PARP8: variants seen among roughly 807,000 people sequenced by gnomAD.
PARP8 encodes poly(ADP-ribose) polymerase family member 8.
A neutral mutation model predicts 124.1 loss-of-function variants in PARP8; 51 were observed. The ratio of observed to expected loss-of-function variants is 0.41; its 90% confidence interval spans 0.33 to 0.52. The LOEUF (loss-of-function observed/expected upper bound fraction) is 0.52, where lower values mean the gene tolerates loss of function less well. Among genes scored for constraint, PARP8 ranks in the 20% least tolerant of loss-of-function variants. PARP8 has a pLI of 0.21. For missense variants in PARP8, 860 were observed against 1,018.9 expected (o/e 0.84, Z 2.12); for synonymous variants, 391 against 361.5 (o/e 1.08, Z -0.93).
chr5:50,729,095 G>GA (rs1418483785), intron 2 of PARP8, among the ~76,000 whole-genome samples: 1 of 152,090 alleles, frequency 6.6e-6, no homozygotes, highest in East Asian at 1.9e-4. Flanking sequence ...CTTCTAAAGT[G>GA]AAAATCTCAT....
intron 2 of PARP8, among the ~76,000 whole-genome samples, chr5:50,739,729 TA>T (rs373319433): frequency 0.32 from 23,797 of 74,286 alleles, 3,562 homozygotes; most frequent in Non-Finnish European, 0.4. Flanking sequence ...TATATATATA[TA>T]TATTTTTTTT....
In PARP8 at chr5:50,740,096, T is replaced by C. The variant is rs899088613; in HGVS notation, c.147-10055T>C. ...GCATTCATTCTACGTATATTTATAA[T>C]GTTCCCACTATGTGCTAGGTAGATG... On this transcript the variant is annotated intron_variant, in intron 2 of 25. Coordinates refer to ENST00000281631, the MANE Select transcript of PARP8 (RefSeq NM_024615.4). Among the ~76,000 whole-genome samples the C allele has an allele frequency of 1.2e-4, 19 of 152,146 alleles. 1 individual carries two copies. The highest frequency in any genetic ancestry group is 1.2e-3 in the Admixed American group (18 of 15,262).
At position 50,834,006 on chromosome 5, in the gene PARP8, T is replaced by C. The variant is rs771315054; in HGVS notation, c.2335T>C (p.Phe779Leu). The stretch of plus-strand genomic sequence containing the variant: ...ACAGAAAAAAGGACAGCAATCCCAA[T>C]TCCTGCAAAGCCGTAACTTAAAATG... Reference protein sequence around the residue: ...QSQKKGQQSQFLQSRNLKCIA... With the variant: ...QSQKKGQQSQLLQSRNLKCIA... Residue 779 changes from phenylalanine (F) to leucine (L), a missense_variant, in exon 24 of 26, where the codon TTC becomes CTC. This residue lies in a region of PARP8 where 343 missense variants were observed against 474.7 expected (regional missense o/e 0.72). Transcript: ENST00000281631. The C allele has an allele frequency of 1.2e-6, 2 of 1,612,514 alleles. No individual in the cohort carries two copies. The highest frequency in any genetic ancestry group is 1.7e-5 in the Admixed American group (1 of 59,950).
At chr5:50,708,391 T>G (rs1009333875) in intron 2 of PARP8, among the ~76,000 whole-genome samples, 6 of 152,152 alleles carry the variant, frequency 3.9e-5, no homozygotes, top group Non-Finnish European at 8.8e-5. Context: ...CTTTATTCTT[T>G]GTAAAGAAAA....
chr5:50,721,083 T>G (rs1405399060), intron 2 of PARP8, among the ~76,000 whole-genome samples: 1 of 131,004 alleles, frequency 7.6e-6, no homozygotes, highest in Non-Finnish European at 1.6e-5. Context: ...AAAATAATTG[T>G]TTTTTTTTTT....
In PARP8 at chr5:50,844,792, T is replaced by C. The variant is rs1580540367; in HGVS notation, c.*2724T>C. 6.6e-6 allele frequency: 1 copy of C among 151,702 alleles called. No individual in the cohort carries two copies. The highest frequency in any genetic ancestry group is 1.5e-5 in the Non-Finnish European group (1 of 67,746). The allele number at this position is 151,702 out of a possible 1,614,324, so 9.4% of individuals were successfully genotyped here. On this transcript the variant is annotated 3_prime_UTR_variant, in exon 26 of 26. Coordinates refer to ENST00000281631, the MANE Select transcript of PARP8 (RefSeq NM_024615.4). ...TTTGTAAACATTTTACTATGAATAA[T>C]CTGTTCTCTTTCACTGTATTAAAAG...
intron 2 of PARP8, among the ~76,000 whole-genome samples, chr5:50,736,096 G>A (rs558120062): frequency 1.3e-5 from 2 of 151,628 alleles, no homozygotes; most frequent in South Asian, 4.2e-4. Flanking sequence ...AGAAAGAGAA[G>A]GCAAACACCA....
chr5:50,842,179 C>T lies in PARP8; in HGVS notation c.*111C>T. The T allele has an allele frequency of 1.4e-6, 1 of 706,032 alleles. No homozygotes were observed. The allele number at this position is 706,032 out of a possible 1,614,324, so 43.7% of individuals were successfully genotyped here. A position where few individuals can be genotyped will look rare whatever the true frequency, so the allele number is the denominator to read the frequency against. On this transcript the variant is annotated 3_prime_UTR_variant, in exon 26 of 26. Transcript: ENST00000281631. ...TATTGTTATTATAAACAAAATTAAC[C>T]CTTTGAATACTGATTTTTTTTCTTA...
In PARP8 at chr5:50,752,838, A is replaced by G. The variant is rs145834370; in HGVS notation, c.184+2650A>G. 2.6e-5 allele frequency among the ~76,000 whole-genome samples: 4 copies of G among 152,216 alleles called. No individual in the cohort carries two copies. The East Asian group carries it at 5.8e-4, about 22-fold the overall frequency. On this transcript the variant is annotated intron_variant, in intron 3 of 25. Transcript: ENST00000281631. ...AATTTTCTTTGCTCTATGAAAATAT[A>G]TCAGTATTATCCTCCAAAGTCAAGA...
At chr5:50,815,228 AT>A (rs913623135) in intron 14 of PARP8, among the ~76,000 whole-genome samples, 17 of 152,130 alleles carry the variant, frequency 1.1e-4, no homozygotes, top group African/African-American at 4.1e-4. Context: ...TTTTTATAAT[AT>A]TTTTTACTCT....
rs1743742019 is a variant in PARP8 at position 50,805,593 on chromosome 5, A to C, written c.1575+8360A>C. On this transcript the variant is annotated intron_variant, in intron 14 of 25. Transcript: ENST00000281631. Reference sequence around the variant, plus strand: ...CATGCTAGATTCTGTTACACTTTTTAAAAGAAACCTGTCTTGCCTTTTGGA... The same window carrying C: ...CATGCTAGATTCTGTTACACTTTTTCAAAGAAACCTGTCTTGCCTTTTGGA... 2.0e-5 allele frequency among the ~76,000 whole-genome samples: 3 copies of C among 152,226 alleles called. No homozygotes were observed. The South Asian group carries it at 6.2e-4, about 32-fold the overall frequency.
At chr5:50,816,075 A>G (rs557185487) in intron 15 of PARP8, among the ~76,000 whole-genome samples, 1 of 152,302 alleles carries the variant, frequency 6.6e-6, no homozygotes, top group East Asian at 1.9e-4. Context: ...AAATTAATGA[A>G]CATTAATTAA....
intron 10 of PARP8, among the ~76,000 whole-genome samples, chr5:50,790,788 C>A (rs1279255204): frequency 6.6e-6 from 1 of 151,982 alleles, no homozygotes; most frequent in Non-Finnish European, 1.5e-5. Context: ...ATATCCCTAT[C>A]CGAGTGATTA....
chr5:50,778,149 A>C lies in PARP8; in HGVS notation c.579+20A>C. 6.0e-6 allele frequency: 9 copies of C among 1,494,520 alleles called. No individual in the cohort carries two copies. The highest frequency in any genetic ancestry group is 3.5e-4 in the Middle Eastern group (2 of 5,792). 92.6% of individuals were successfully genotyped at this position (1,494,520 alleles called of 1,614,324 possible). On this transcript the variant is annotated intron_variant, in intron 8 of 25. Transcript: ENST00000281631. ...CTTGATGTAAGTATCAATTTTATGT[A>C]ATATGAATGGTGCATTTAAAATACA...
chr5:50,692,552 G>T (rs1158509203), intron 2 of PARP8, among the ~76,000 whole-genome samples: 2 of 151,584 alleles, frequency 1.3e-5, no homozygotes, highest in African/African-American at 4.8e-5. Context: ...TTAGTACAGT[G>T]CCTGACTTAA....
At chr5:50,773,882 G>A (rs1457480710) in intron 7 of PARP8, among the ~76,000 whole-genome samples, 1 of 144,830 alleles carries the variant, frequency 6.9e-6, no homozygotes, top group Admixed American at 6.9e-5. Flanking sequence ...GGTGTTTCTT[G>A]GAGAGGGGGA....
At chr5:50,716,068 C>A (rs73101019) in intron 2 of PARP8, among the ~76,000 whole-genome samples, 3,650 of 152,112 alleles carry the variant, frequency 0.024, 145 homozygotes, top group African/African-American at 0.083. Context: ...GTAATTCTTT[C>A]CAAAAACTTG....
In PARP8 at chr5:50,724,581, T is replaced by A. The variant is rs141328776; in HGVS notation, c.147-25570T>A. Among the ~76,000 whole-genome samples, 12 of 152,262 alleles carry A rather than the reference T, an allele frequency of 7.9e-5. No individual in the cohort carries two copies. In the East Asian group the frequency reaches 2.3e-3, roughly 29 times the overall value. On this transcript the variant is annotated intron_variant, in intron 2 of 25. Transcript: ENST00000281631. ...AATGTAAGATAATTCTTTCCTCTTC[T>A]GCCATCTGTCTACAATTTATTCTTT...
At chr5:50,807,582 T>G (rs534429918) in intron 14 of PARP8, among the ~76,000 whole-genome samples, 1 of 152,242 alleles carries the variant, frequency 6.6e-6, no homozygotes, top group Non-Finnish European at 1.5e-5. Flanking sequence ...GGACTTATTG[T>G]CAGAAATGCC....
Sources: gnomAD v4.1 joint callset for allele counts (sites outside exome capture counted in the v4.1 genomes callset) on GRCh38, gnomAD v4.1.1 for gene constraint, gnomAD v4.1.1 regional missense constraint, MANE v1.5 for transcripts, NCBI Gene and HGNC (gene_info 2026-07-23, HGNC 2026-07-21) for gene names.